The following PLSCR2 variants were observed in gnomAD, a reference collection of about 807,000 sequenced individuals.
PLSCR2 encodes phospholipid scramblase 2, also known as PL scramblase 2.
In PLSCR2, 18 loss-of-function variants were observed where a neutral mutation model predicts 25.3. That is an observed-to-expected ratio of 0.71 (90% CI 0.49 to 1.06). The LOEUF (loss-of-function observed/expected upper bound fraction) is 1.06, where lower values mean the gene tolerates loss of function less well. PLSCR2 is among the 50% of genes least tolerant of loss of function. The pLI is 0.00. For missense variants in PLSCR2, 243 were observed against 269.5 expected (o/e 0.90, Z 0.69); for synonymous variants, 88 against 87.3 (o/e 1.01, Z -0.04).
intron 2 of PLSCR2, among the ~76,000 whole-genome samples, chr3:146,414,513 C>T (rs116001469): frequency 1.5e-3 from 222 of 152,076 alleles, no homozygotes; most frequent in African/African-American, 4.8e-3. Context: ...TATGCCAAAA[C>T]GGAAGAGCTT....
chr3:146,461,958 TA>T (rs147297614), upstream of PLSCR2: 95,678 of 1,042,640 alleles, frequency 0.092, no homozygotes, highest in South Asian at 0.14. Flanking sequence ...TTTCATAAGC[TA>T]AAAAAAAAAA....
intron 2 of PLSCR2, among the ~76,000 whole-genome samples, chr3:146,426,142 A>G (rs529447769): frequency 6.7e-6 from 1 of 149,674 alleles, no homozygotes; most frequent in East Asian, 2.0e-4. Flanking sequence ...TTTTTTCTCT[A>G]TTCCTCCCTC....
intron 1 of PLSCR2, among the ~76,000 whole-genome samples, 191 bp from the exon 1 acceptor site, chr3:146,469,752 C>G (rs530755504): frequency 5.3e-4 from 81 of 151,420 alleles, no homozygotes; most frequent in African/African-American, 1.9e-3. Flanking sequence ...TGCTGGAGCG[C>G]GGCCGAGCTG....
At chr3:146,402,614 C>T (rs752211809) in intron 2 of PLSCR2, among the ~76,000 whole-genome samples, 6 of 152,018 alleles carry the variant, frequency 3.9e-5, no homozygotes, top group East Asian at 1.9e-4. Flanking sequence ...ACTACAGGCG[C>T]GTGCCACCAT....
intron 3 of PLSCR2, among the ~76,000 whole-genome samples, chr3:146,456,734 G>A (rs564942889): frequency 6.6e-6 from 1 of 152,000 alleles, no homozygotes; most frequent in East Asian, 1.9e-4. Flanking sequence ...AAAATAAACT[G>A]AGTAATCATC....
intron 1 of PLSCR2, 44 bp from the exon 1 acceptor site, chr3:146,469,605 A>G (rs1358772019): frequency 1.0e-6 from 1 of 984,512 alleles, no homozygotes; most frequent in Non-Finnish European, 1.2e-6. Context: ...CCCTCCCGGA[A>G]GTCGGCGGAA....
At chr3:146,399,464 C>T (rs2038385808) in intron 2 of PLSCR2, among the ~76,000 whole-genome samples, 1 of 151,816 alleles carries the variant, frequency 6.6e-6, no homozygotes, top group Admixed American at 6.6e-5. Context: ...CATATACACA[C>T]ATAGTATAAA....
chr3:146,406,372 C>T lies in PLSCR2; in HGVS notation c.101-10451G>A, dbSNP rs73867602. Among the ~76,000 whole-genome samples the T allele has an allele frequency of 8.9e-3, 1,349 of 152,136 alleles. 18 individuals carry two copies. The highest frequency in any genetic ancestry group is 0.03 in the African/African-American group (1,240 of 41,488). On this transcript the variant is annotated intron_variant and NMD_transcript_variant, in intron 2 of 3. Transcript: ENST00000463633. ...GAGCATCTAAATCCTGCTGCAAGGT[C>T]GATACTTCCTGCTCCTGGGACTGGC...
chr3:146,436,964 A>G (rs1332331939), downstream of PLSCR2, among the ~76,000 whole-genome samples: 2 of 152,082 alleles, frequency 1.3e-5, no homozygotes, highest in African/African-American at 4.8e-5. Context: ...TATCTAGTTT[A>G]TTGAGACTTT....
chr3:146,449,140 A>T, intron 6 of PLSCR2, 66 bp downstream of exon 6: 1 of 1,119,570 alleles, frequency 8.9e-7, no homozygotes, highest in Non-Finnish European at 1.3e-6. Context: ...TGTATAATTT[A>T]TTGAAGTATT....
intron 1 of PLSCR2, among the ~76,000 whole-genome samples, chr3:146,483,479 G>GTATATATATATATATATA (rs56655616): frequency 4.2e-4 from 23 of 54,818 alleles, no homozygotes; most frequent in African/African-American, 1.4e-3. Context: ...ATATACATGT[G>GTATATATATATATATATA]TATATATATA....
intron 1 of PLSCR2, among the ~76,000 whole-genome samples, chr3:146,482,918 C>G (rs1041511190): frequency 1.3e-5 from 2 of 152,116 alleles, no homozygotes; most frequent in Non-Finnish European, 2.9e-5. Flanking sequence ...AGTTCATGTC[C>G]TTTGCAGGGA....
downstream of PLSCR2, among the ~76,000 whole-genome samples, chr3:146,428,358 G>T (rs772256594): frequency 2.0e-5 from 3 of 152,126 alleles, no homozygotes; most frequent in African/African-American, 2.4e-5. Flanking sequence ...ATGACAAGAG[G>T]CCAGAATCCA....
intron 1 of PLSCR2, among the ~76,000 whole-genome samples, chr3:146,482,539 C>A (rs1164730580): frequency 6.6e-6 from 1 of 152,126 alleles, no homozygotes; most frequent in East Asian, 1.9e-4. Context: ...CAATCTCATG[C>A]CAGCTAGAAT....
At position 146,458,352 on chromosome 3, in the gene PLSCR2, C is replaced by A. The variant is rs2041343328; in HGVS notation, c.100+59G>T. ...GCTATATTTATAGTTTTTGATGTAT[C>A]TTTATTTGCATAAACTTCTTCTCTT... On this transcript the variant is annotated intron_variant, in intron 3 of 6. Transcript: ENST00000610787. The A allele has an allele frequency of 3.6e-6, 5 of 1,377,762 alleles. No homozygotes were observed. In the Admixed American group the frequency reaches 1.1e-4, roughly 29 times the overall value. The allele number at this position is 1,377,762 out of a possible 1,614,324, so 85.3% of individuals were successfully genotyped here. A position where few individuals can be genotyped will look rare whatever the true frequency, so the allele number is the denominator to read the frequency against.
chr3:146,419,206 A>C (rs2039072824), intron 2 of PLSCR2, among the ~76,000 whole-genome samples: 2 of 152,102 alleles, frequency 1.3e-5, no homozygotes, highest in African/African-American at 4.8e-5. Flanking sequence ...CCCAACTAAA[A>C]ATCAAATTTA....
intron 2 of PLSCR2, among the ~76,000 whole-genome samples, chr3:146,400,402 T>G (rs6440430): frequency 0.53 from 79,273 of 150,938 alleles, 21,080 homozygotes; most frequent in South Asian, 0.71. Context: ...TCTAGAAATA[T>G]AAAATAATTA....
At chr3:146,437,664 T>C (rs535667861), downstream of PLSCR2, among the ~76,000 whole-genome samples, 83 of 152,264 alleles carry the variant, frequency 5.5e-4, no homozygotes, top group Non-Finnish European at 9.4e-4. Context: ...CTTCTCTCTT[T>C]TCTTCTTTAT....
chr3:146,429,776 C>A (rs1469264684), downstream of PLSCR2, among the ~76,000 whole-genome samples: 1 of 152,036 alleles, frequency 6.6e-6, no homozygotes, highest in Non-Finnish European at 1.5e-5. Context: ...TAGGCGCCCG[C>A]CACCACACCC....
Sources: gnomAD v4.1 joint callset for allele counts (sites outside exome capture counted in the v4.1 genomes callset) on GRCh38, gnomAD v4.1.1 for gene constraint, MANE v1.5 for transcripts, NCBI Gene and HGNC (gene_info 2026-07-23, HGNC 2026-07-21) for gene names.